The following GPATCH8 variants were observed in gnomAD, a reference collection of about 807,000 sequenced individuals.
GPATCH8 encodes G patch domain-containing protein 8.
A neutral mutation model predicts 118.3 loss-of-function variants in GPATCH8; 18 were observed. That is an observed-to-expected ratio of 0.15 (90% CI 0.11 to 0.23). The LOEUF (loss-of-function observed/expected upper bound fraction) is 0.23, where lower values mean the gene tolerates loss of function less well. GPATCH8 is among the 10% of genes least tolerant of loss of function. The pLI, the probability that GPATCH8 is intolerant of heterozygous loss-of-function variation, is 1.00. For missense variants in GPATCH8, 1,631 were observed against 1,873.8 expected (o/e 0.87, Z 2.39); for synonymous variants, 659 against 684.7 (o/e 0.96, Z 0.59).
At chr17:44,428,657 G>A (rs527567303) in intron 5 of GPATCH8, among the ~76,000 whole-genome samples, 2 of 151,950 alleles carry the variant, frequency 1.3e-5, no homozygotes, top group East Asian at 1.9e-4. Context: ...ATAAAAATTA[G>A]CTGGGTGTGG....
chr17:44,449,981 G>A (rs991747198), intron 3 of GPATCH8, among the ~76,000 whole-genome samples: 9 of 152,118 alleles, frequency 5.9e-5, no homozygotes, highest in African/African-American at 2.2e-4. Flanking sequence ...CTTTTAAGTG[G>A]CATTATGTCT....
At chr17:44,489,389 G>T (rs12939892) in intron 1 of GPATCH8, among the ~76,000 whole-genome samples, 2,733 of 149,556 alleles carry the variant, frequency 0.018, 85 homozygotes, top group African/African-American at 0.064. Flanking sequence ...CACCCAGGCT[G>T]GAATGCAATG....
chr17:44,488,018 G>C (rs534942330), intron 1 of GPATCH8, among the ~76,000 whole-genome samples: 1 of 112,142 alleles, frequency 8.9e-6, no homozygotes, highest in Non-Finnish European at 2.3e-5. Context: ...CGCCTCCTGG[G>C]TTCAAGCGAT....
At chr17:44,486,608 G>C (rs1968803067) in intron 1 of GPATCH8, 1 of 152,106 alleles carries the variant, frequency 6.6e-6, no homozygotes. Flanking sequence ...TTAGTATATT[G>C]TGGCCCCCTT....
chr17:44,462,477 C>G (rs1305337198), intron 3 of GPATCH8, among the ~76,000 whole-genome samples: 2 of 152,178 alleles, frequency 1.3e-5, no homozygotes, highest in African/African-American at 4.8e-5. Context: ...ACGAATTGCT[C>G]TTAATCAGAG....
chr17:44,478,863 C>A (rs972657683), intron 1 of GPATCH8, among the ~76,000 whole-genome samples: 3 of 151,626 alleles, frequency 2.0e-5, no homozygotes, highest in Non-Finnish European at 4.4e-5. Context: ...CTCAGCCTCC[C>A]AAGTAGCTAG....
chr17:44,399,734 A>G lies in GPATCH8; in HGVS notation c.2343T>C (p.His781=). Residue 781 remains histidine, a synonymous_variant, in exon 8 of 8, where the codon CAT becomes CAC. Coordinates refer to ENST00000591680, the MANE Select transcript of GPATCH8 (RefSeq NM_001002909.4). ...EGGGGSSSQD[H]GGRKHKGELP... is the part of the protein sequence containing the mutation. ...GTTCACCTTTGTGTTTCCTCCCACC[A>G]TGGTCTTGGGAGCTGCTACCACCCC... The G allele has an allele frequency of 6.2e-7, 1 of 1,613,742 alleles. No homozygotes were observed.
intron 1 of GPATCH8, among the ~76,000 whole-genome samples, chr17:44,485,281 T>A (rs35929887): frequency 0.04 from 6,046 of 152,210 alleles, 337 homozygotes; most frequent in African/African-American, 0.13. Context: ...TGTTTTCATT[T>A]AAAAATTTTT....
At chr17:44,408,351 G>A (rs1204735459) in intron 6 of GPATCH8, among the ~76,000 whole-genome samples, 1 of 151,944 alleles carries the variant, frequency 6.6e-6, no homozygotes, top group Non-Finnish European at 1.5e-5. Context: ...ACACCCGGCT[G>A]ATTTTTTATA....
chr17:44,438,167 G>A (rs1325632533), intron 3 of GPATCH8, among the ~76,000 whole-genome samples: 1 of 152,124 alleles, frequency 6.6e-6, no homozygotes, highest in East Asian at 1.9e-4. Context: ...CTCAGTCAGG[G>A]ATTTACTGGT....
intron 3 of GPATCH8, among the ~76,000 whole-genome samples, chr17:44,443,462 A>G (rs779150253): frequency 1.9e-4 from 29 of 152,188 alleles, no homozygotes; most frequent in Non-Finnish European, 3.4e-4. Flanking sequence ...CAACTCTAAC[A>G]TATGATATAT....
intron 6 of GPATCH8, among the ~76,000 whole-genome samples, chr17:44,418,495 C>T (rs1200410593): frequency 6.7e-6 from 1 of 149,866 alleles, no homozygotes; most frequent in Non-Finnish European, 1.5e-5. Flanking sequence ...TGCTCTGTCG[C>T]CCAGGCTGGA....
intron 4 of GPATCH8, among the ~76,000 whole-genome samples, chr17:44,435,640 CT>C (rs1180788454): frequency 2.7e-5 from 4 of 148,814 alleles, no homozygotes; most frequent in Admixed American, 2.7e-4. Flanking sequence ...TGATCTTGAA[CT>C]CCTCACCTCA....
chr17:44,466,607 T>A lies in GPATCH8; in HGVS notation c.121-2063A>T, dbSNP rs141128581. Among the ~76,000 whole-genome samples the A allele has an allele frequency of 5.3e-5, 8 of 152,272 alleles. No individual in the cohort carries two copies. The East Asian group carries it at 1.5e-3, about 29-fold the overall frequency. On this transcript the variant is annotated intron_variant, in intron 2 of 7. Coordinates refer to ENST00000591680, the MANE Select transcript of GPATCH8 (RefSeq NM_001002909.4). ...ACCCAGTGTTCAGTGTCTGACTATT[T>A]ATAACTTTATTACCCCCTAAAACAG... is the stretch of plus-strand genomic sequence containing the variant.
chr17:44,497,950 G>GA (rs753236955), intron 1 of GPATCH8, among the ~76,000 whole-genome samples: 1 of 150,946 alleles, frequency 6.6e-6, no homozygotes, highest in Non-Finnish European at 1.5e-5. Flanking sequence ...AAAAAAAAAA[G>GA]AAAAAAAGAA....
At chr17:44,503,217 T>A (rs759960253) in intron 1 of GPATCH8, 109 bp downstream of exon 1, 1 of 1,005,928 alleles carries the variant, frequency 9.9e-7, no homozygotes, top group Non-Finnish European at 1.5e-6. Context: ...GCGAGCTGGT[T>A]CGCAAGTCGG....
At chr17:44,488,510 C>T (rs1968972515) in intron 1 of GPATCH8, among the ~76,000 whole-genome samples, 1 of 151,644 alleles carries the variant, frequency 6.6e-6, no homozygotes, top group Non-Finnish European at 1.5e-5. Context: ...CCTGGGATTA[C>T]AGGTGCGTGC....
At position 44,399,593 on chromosome 17, in the gene GPATCH8, C is replaced by A; in HGVS notation, c.2484G>T (p.Leu828=). 6.2e-7 allele frequency: 1 copy of A among 1,614,200 alleles called. No homozygotes were observed. Among genetic ancestry groups the A allele is most frequent in the Non-Finnish European group, 8.5e-7 (1 of 1,180,038 alleles). ...EDSDDASSHR[L]HQKSPSQYSE... ...TGTACTGGGATGGAGACTTCTGGTG[C>A]AGCCGGTGTGAGGAAGCATCATCAC... Residue 828 remains leucine (L), a synonymous_variant, in exon 8 of 8, where the codon CTG becomes CTT. Transcript: ENST00000591680.
chr17:44,431,865 G>A (rs905994491), intron 5 of GPATCH8, among the ~76,000 whole-genome samples: 4 of 151,998 alleles, frequency 2.6e-5, no homozygotes, highest in Admixed American at 1.3e-4. Flanking sequence ...GTTTAAGGCT[G>A]TAGTGAGCTA....
Sources: allele counts gnomAD v4.1 joint callset (sites outside exome capture counted in the v4.1 genomes callset), GRCh38; gene constraint gnomAD v4.1.1; transcripts MANE v1.5; gene names NCBI Gene and HGNC (gene_info 2026-07-23, HGNC 2026-07-21).